The following PDE1A variants were observed in gnomAD, a reference collection of about 807,000 sequenced individuals.
PDE1A encodes the protein dual specificity calcium/calmodulin-dependent 3',5'-cyclic nucleotide phosphodiesterase 1A.
A neutral mutation model predicts 61.7 loss-of-function variants in PDE1A; 35 were observed. The observed-to-expected ratio is 0.57, with a 90% CI of 0.43 to 0.75. The LOEUF (loss-of-function observed/expected upper bound fraction) is 0.75, where lower values mean the gene tolerates loss of function less well. Ranked by LOEUF, PDE1A falls within the 30% of genes least tolerant of loss-of-function variation. The pLI is 0.00. For missense variants in PDE1A, 597 were observed against 630.6 expected, an observed-to-expected ratio of 0.95 and a Z score of 0.57; for synonymous variants, 232 against 213.2, an observed-to-expected ratio of 1.09 and a Z score of -0.77.
At chr2:182,376,299 C>T (rs137875891) in intron 1 of PDE1A, among the ~76,000 whole-genome samples, 1 of 152,150 alleles carries the variant, frequency 6.6e-6, no homozygotes, top group Non-Finnish European at 1.5e-5. Flanking sequence ...CCCAAGTCAC[C>T]TCTTGAATGC....
chr2:182,699,980 T>C, the PDE1A span, among the ~76,000 whole-genome samples: 1 of 152,202 alleles, frequency 6.6e-6, no homozygotes, highest in East Asian at 1.9e-4. Context: ...CTACTGGTGC[T>C]ACTGTCATCT....
chr2:182,609,851 G>T, the PDE1A span, among the ~76,000 whole-genome samples: 1 of 152,220 alleles, frequency 6.6e-6, no homozygotes, highest in African/African-American at 2.4e-5. Context: ...CACTTGGGAG[G>T]CCGAGGCAGG....
At chr2:182,381,623 C>T (rs1700741825) in intron 1 of PDE1A, among the ~76,000 whole-genome samples, 1 of 152,048 alleles carries the variant, frequency 6.6e-6, no homozygotes, top group African/African-American at 2.4e-5. Context: ...ACCAGCCTGG[C>T]CAACAGGGTG....
the PDE1A span, among the ~76,000 whole-genome samples, chr2:182,663,602 T>C: frequency 6.6e-6 from 1 of 152,116 alleles, no homozygotes; most frequent in African/African-American, 2.4e-5. Context: ...TGTTCTCACT[T>C]ATAAGTGGGA....
chr2:182,511,431 AGT>A (rs1156732787), intron 2 of PDE1A, among the ~76,000 whole-genome samples: 2 of 152,080 alleles, frequency 1.3e-5, no homozygotes, highest in Non-Finnish European at 2.9e-5. Context: ...ATAGGTGGGG[AGT>A]GGCCCACTCT....
the PDE1A span, among the ~76,000 whole-genome samples, chr2:182,657,646 C>T: frequency 6.6e-6 from 1 of 151,888 alleles, no homozygotes; most frequent in South Asian, 2.1e-4. Context: ...ATTTATGTTT[C>T]CATGGGCATA....
At chr2:182,622,853 G>C in the PDE1A span, among the ~76,000 whole-genome samples, 1 of 152,150 alleles carries the variant, frequency 6.6e-6, no homozygotes, top group Non-Finnish European at 1.5e-5. Context: ...CAGCAAGAAA[G>C]ACACAGATTC....
chr2:182,419,642 C>T (rs1019673697), intron 1 of PDE1A, among the ~76,000 whole-genome samples: 4 of 152,144 alleles, frequency 2.6e-5, no homozygotes, highest in East Asian at 1.9e-4. Context: ...AGAGAGAAGA[C>T]GACTGTGTGG....
chr2:182,225,013 A>G (rs997796941), intron 6 of PDE1A, among the ~76,000 whole-genome samples: 10 of 151,958 alleles, frequency 6.6e-5, no homozygotes, highest in South Asian at 4.1e-4. Flanking sequence ...AAAACAACAG[A>G]AAGAGATCAT....
intron 2 of PDE1A, among the ~76,000 whole-genome samples, chr2:182,442,766 C>T (rs1684876805): frequency 6.6e-6 from 1 of 151,858 alleles, no homozygotes; most frequent in Non-Finnish European, 1.5e-5. Flanking sequence ...ATTTTTAAAT[C>T]ATATAGAAAT....
At chr2:182,663,849 C>A in the PDE1A span, among the ~76,000 whole-genome samples, 1 of 151,888 alleles carries the variant, frequency 6.6e-6, no homozygotes, top group African/African-American at 2.4e-5. Context: ...GAAAAACGGT[C>A]TGCAAGATCT....
At chr2:182,640,774 C>T in the PDE1A span, among the ~76,000 whole-genome samples, 1 of 151,968 alleles carries the variant, frequency 6.6e-6, no homozygotes, top group Non-Finnish European at 1.5e-5. Flanking sequence ...AATCCCAGCA[C>T]TTTGGGAGGC....
chr2:182,174,733 A>G (rs199539699), intron 13 of PDE1A, among the ~76,000 whole-genome samples: 1 of 151,304 alleles, frequency 6.6e-6, no homozygotes, highest in Non-Finnish European at 1.5e-5. Flanking sequence ...TTTGTTTTTT[A>G]TTTATTTTAT....
chr2:182,657,319 G>C, the PDE1A span, among the ~76,000 whole-genome samples: 1 of 152,160 alleles, frequency 6.6e-6, no homozygotes, highest in Non-Finnish European at 1.5e-5. Flanking sequence ...TAATGTGTCA[G>C]ACATACATTT....
At chr2:182,230,934 AT>A (rs1689526694) in intron 5 of PDE1A, 80 bp downstream of exon 5, 3 of 726,928 alleles carry the variant, frequency 4.1e-6, no homozygotes, top group Non-Finnish European at 7.2e-6. Flanking sequence ...GAATTGCTTA[AT>A]TACTCAAATG....
chr2:182,555,434 A>G, the PDE1A span, among the ~76,000 whole-genome samples: 2 of 152,218 alleles, frequency 1.3e-5, no homozygotes, highest in Non-Finnish European at 2.9e-5. Context: ...ATATATGTAA[A>G]TGAACCTCTT....
At chr2:182,503,822 G>A (rs901317710) in intron 2 of PDE1A, among the ~76,000 whole-genome samples, 1 of 152,156 alleles carries the variant, frequency 6.6e-6, no homozygotes, top group African/African-American at 2.4e-5. Context: ...ACTTCAGGAA[G>A]GTAGGGATCG....
the PDE1A span, among the ~76,000 whole-genome samples, chr2:182,604,026 T>A: frequency 5.3e-5 from 8 of 151,712 alleles, no homozygotes; most frequent in South Asian, 1.5e-3. Flanking sequence ...AATTTAGTTT[T>A]AAAAAAAAAA....
chr2:182,492,104 C>T (rs370716051), intron 2 of PDE1A, among the ~76,000 whole-genome samples: 1 of 152,110 alleles, frequency 6.6e-6, no homozygotes, highest in Non-Finnish European at 1.5e-5. Flanking sequence ...AATATCAATA[C>T]AGTTGCCCCA....
Sources: allele counts gnomAD v4.1 joint callset (sites outside exome capture counted in the v4.1 genomes callset), GRCh38; gene constraint gnomAD v4.1.1; transcripts MANE v1.5; gene names NCBI Gene and HGNC (gene_info 2026-07-23, HGNC 2026-07-21).